Variants in RORA observed in about 807,000 individuals in gnomAD.
RORA encodes nuclear receptor ROR-alpha.
A neutral mutation model predicts 69.5 loss-of-function variants in RORA; 7 were observed. The ratio of observed to expected loss-of-function variants is 0.10; its 90% confidence interval spans 0.06 to 0.19. RORA has a LOEUF of 0.19. Ranked by LOEUF, RORA falls within the 10% of genes least tolerant of loss-of-function variation. The pLI is 1.00. For missense variants in RORA, 457 were observed against 663.0 expected, an observed-to-expected ratio of 0.69 and a Z score of 3.41; for synonymous variants, 261 against 240.8, an observed-to-expected ratio of 1.08 and a Z score of -0.78.
chr15:60,619,086 A>G (rs2069335096), intron 2 of RORA, among the ~76,000 whole-genome samples: 1 of 152,222 alleles, frequency 6.6e-6, no homozygotes, highest in African/African-American at 2.4e-5. Context: ...TGCATCCTAC[A>G]TGGATTGTCC....
At chr15:60,850,495 C>G (rs536523583) in intron 1 of RORA, among the ~76,000 whole-genome samples, 1 of 152,150 alleles carries the variant, frequency 6.6e-6, no homozygotes, top group African/African-American at 2.4e-5. Context: ...GGTTCCTCAT[C>G]TCTAAAATGG....
intron 1 of RORA, among the ~76,000 whole-genome samples, chr15:61,114,862 C>T (rs2079036495): frequency 6.6e-6 from 1 of 152,156 alleles, no homozygotes; most frequent in Non-Finnish European, 1.5e-5. Context: ...GGCTCTTGGC[C>T]CAGACGGTAT....
At chr15:60,824,200 T>G (rs1463897676) in intron 1 of RORA, among the ~76,000 whole-genome samples, 1 of 152,206 alleles carries the variant, frequency 6.6e-6, no homozygotes, top group East Asian at 1.9e-4. Flanking sequence ...AGGATCTTTG[T>G]GAATGAGGAA....
chr15:60,976,211 A>G (rs1893869047), intron 1 of RORA, among the ~76,000 whole-genome samples: 1 of 152,168 alleles, frequency 6.6e-6, no homozygotes, highest in African/African-American at 2.4e-5. Context: ...GGGGCGTTAG[A>G]ATCCTCACCT....
intron 1 of RORA, among the ~76,000 whole-genome samples, chr15:61,037,347 G>T (rs1429443335): frequency 1.3e-5 from 2 of 152,166 alleles, no homozygotes; most frequent in African/African-American, 2.4e-5. Flanking sequence ...ACCAATGAAT[G>T]AATACAGCTA....
intron 1 of RORA, among the ~76,000 whole-genome samples, chr15:61,056,184 C>T (rs913217117): frequency 5.3e-5 from 8 of 152,084 alleles, no homozygotes; most frequent in Admixed American, 4.6e-4. Context: ...AGTGAGCACC[C>T]GTTTTGGAGT....
chr15:60,615,402 A>G (rs1375153619), intron 2 of RORA, among the ~76,000 whole-genome samples: 2 of 152,146 alleles, frequency 1.3e-5, no homozygotes, highest in Non-Finnish European at 2.9e-5. Flanking sequence ...CCTTGCAACA[A>G]GTGTAAAATG....
At chr15:61,101,544 T>C (rs2078880531) in intron 1 of RORA, among the ~76,000 whole-genome samples, 1 of 152,132 alleles carries the variant, frequency 6.6e-6, no homozygotes, top group Non-Finnish European at 1.5e-5. Context: ...GGAATGATCC[T>C]AGAAATTGAA....
chr15:61,047,352 C>T (rs1375911113), intron 1 of RORA, among the ~76,000 whole-genome samples: 1 of 152,226 alleles, frequency 6.6e-6, no homozygotes, highest in Non-Finnish European at 1.5e-5. Flanking sequence ...CAAACGATTT[C>T]AAAAGGAAGA....
At chr15:60,703,126 AACACACACACACAC>A (rs33962963) in intron 1 of RORA, among the ~76,000 whole-genome samples, 4 of 145,482 alleles carry the variant, frequency 2.7e-5, no homozygotes, top group Admixed American at 1.4e-4. Flanking sequence ...GCTTCAGATT[AACACACACACACAC>A]ACACACACAC....
intron 2 of RORA, among the ~76,000 whole-genome samples, chr15:60,668,718 G>A (rs2070417275): frequency 6.6e-6 from 1 of 152,164 alleles, no homozygotes; most frequent in Non-Finnish European, 1.5e-5. Flanking sequence ...AAAAAGACAT[G>A]GTGTAAGAGA....
chr15:60,896,731 G>C (rs947146749), intron 1 of RORA, among the ~76,000 whole-genome samples: 57 of 87,678 alleles, frequency 6.5e-4, no homozygotes, highest in African/African-American at 1.9e-3. Flanking sequence ...GGAGAATTTA[G>C]CTTTTTTTTT....
At chr15:60,604,897 A>G (rs989688254) in intron 2 of RORA, among the ~76,000 whole-genome samples, 1 of 152,222 alleles carries the variant, frequency 6.6e-6, no homozygotes, top group Non-Finnish European at 1.5e-5. Flanking sequence ...ACCCATTAGT[A>G]TCTGGCACAC....
chr15:60,499,796 G>T, intron 10 of RORA, 96 bp downstream of exon 10: 1 of 662,782 alleles, frequency 1.5e-6, no homozygotes, highest in South Asian at 2.1e-5. Context: ...TGATACTTTT[G>T]GGAATTGGTC....
chr15:60,675,939 G>A (rs1401276148), intron 2 of RORA, among the ~76,000 whole-genome samples: 1 of 152,168 alleles, frequency 6.6e-6, no homozygotes, highest in Non-Finnish European at 1.5e-5. Flanking sequence ...AATGTCGGGT[G>A]ACTTCAGCTG....
At chr15:61,000,142 T>A (rs917606848) in intron 1 of RORA, among the ~76,000 whole-genome samples, 4 of 152,296 alleles carry the variant, frequency 2.6e-5, no homozygotes, top group Non-Finnish European at 4.4e-5. Context: ...AGCGTTTAGG[T>A]TTTAAAAAAT....
At chr15:60,836,638 T>C (rs1305431299) in intron 1 of RORA, among the ~76,000 whole-genome samples, 1 of 152,158 alleles carries the variant, frequency 6.6e-6, no homozygotes, top group Non-Finnish European at 1.5e-5. Flanking sequence ...GACATAGCAT[T>C]GTCAGAATCA....
At chr15:60,977,208 T>A (rs1303288279) in intron 1 of RORA, among the ~76,000 whole-genome samples, 1 of 151,642 alleles carries the variant, frequency 6.6e-6, no homozygotes, top group Non-Finnish European at 1.5e-5. Flanking sequence ...CCCTCATAGA[T>A]GTTATATATT....
At chr15:60,498,065 A>AAAAT (rs2065217059) in intron 10 of RORA, among the ~76,000 whole-genome samples, 1 of 152,184 alleles carries the variant, frequency 6.6e-6, no homozygotes, top group African/African-American at 2.4e-5. Context: ...TCTCTTAAAA[A>AAAAT]AAATAAATAA....
Sources: allele counts gnomAD v4.1 joint callset (sites outside exome capture counted in the v4.1 genomes callset), GRCh38; gene constraint gnomAD v4.1.1; transcripts MANE v1.5; gene names NCBI Gene and HGNC (gene_info 2026-07-23, HGNC 2026-07-21).